ZNF519: variants seen among roughly 807,000 people sequenced by gnomAD.
The protein encoded by ZNF519 is similar to Zinc finger protein 85 (Zinc finger protein HPF4) (HTF1).
Under a neutral mutation model 7.4 loss-of-function variants are expected in ZNF519, and 7 were observed. The ratio of observed to expected loss-of-function variants is 0.94; its 90% confidence interval spans 0.54 to 1.77. ZNF519 has a LOEUF of 1.77. Ranked by LOEUF, ZNF519 falls within the 40% of genes most tolerant of loss-of-function variation. The pLI, the probability that ZNF519 is intolerant of heterozygous loss-of-function variation, is 0.00. For synonymous variants in ZNF519, 179 were observed against 203.3 expected, an observed-to-expected ratio of 0.88 and a Z score of 1.02; for missense variants, 586 against 623.1, an observed-to-expected ratio of 0.94 and a Z score of 0.63.
At chr18:14,117,736 GTCA>G (rs1257804571) in intron 2 of ZNF519, among the ~76,000 whole-genome samples, 1 of 152,172 alleles carries the variant, frequency 6.6e-6, no homozygotes, top group Non-Finnish European at 1.5e-5. Flanking sequence ...GAGGGAGTGA[GTCA>G]TCTCACATGG....
chr18:14,093,503 A>G (rs1040856953), intron 2 of ZNF519, among the ~76,000 whole-genome samples: 1 of 152,228 alleles, frequency 6.6e-6, no homozygotes, highest in African/African-American at 2.4e-5. Context: ...AACAATACAT[A>G]TATACACACA....
intron 2 of ZNF519, among the ~76,000 whole-genome samples, chr18:14,089,101 C>T (rs1180382564): frequency 6.6e-6 from 1 of 152,000 alleles, no homozygotes; most frequent in African/African-American, 2.4e-5. Flanking sequence ...CTTATTCCAT[C>T]TGTGATGAAT....
At chr18:14,124,803 T>TGCA (rs2046289305) in intron 1 of ZNF519, among the ~76,000 whole-genome samples, 1 of 152,102 alleles carries the variant, frequency 6.6e-6, no homozygotes, top group Admixed American at 6.5e-5. Context: ...CTGGCCTCAC[T>TGCA]GCAGAATCAT....
At position 14,102,886 on chromosome 18, in the gene ZNF519, G is replaced by GTA. The variant is rs1440910016; in HGVS notation, c.*2029_*2030dup. 4.0e-5 allele frequency: 6 copies of GTA among 151,816 alleles called. No homozygotes were observed. Among genetic ancestry groups the GTA allele is most frequent in the African/African-American group, 1.5e-4 (6 of 41,332 alleles). 9.4% of individuals were successfully genotyped at this position (151,816 alleles called of 1,614,324 possible). On this transcript the variant is annotated 3_prime_UTR_variant, in exon 3 of 3. Coordinates refer to ENST00000590202, the MANE Select transcript of ZNF519 (RefSeq NM_145287.4). ...TAAATATAAAGCAGATTCTGATAAG[G>GTA]TATATAAGGGCTAGAGAAAACAAGG...
chr18:14,132,390 A>T lies in ZNF519; in HGVS notation c.-113T>A, dbSNP rs1404631875. On this transcript the variant is annotated 5_prime_UTR_variant, in exon 1 of 3. Transcript: ENST00000590202. ...ACCGAAGTCTCCCGGAGCAGAGGAC[A>T]CAAGGCAATGAAGCCCTAACCCCGC... 1 of 1,377,620 alleles carries T rather than the reference A, an allele frequency of 7.3e-7. No homozygotes were observed. The highest frequency in any genetic ancestry group is 1.8e-5 in the Admixed American group (1 of 56,424). The allele number at this position is 1,377,620 out of a possible 1,614,324, so 85.3% of individuals were successfully genotyped here.
downstream of ZNF519, among the ~76,000 whole-genome samples, chr18:14,097,842 T>C (rs1054122772): frequency 1.3e-5 from 2 of 152,202 alleles, no homozygotes; most frequent in African/African-American, 4.8e-5. Context: ...TGTGTATATG[T>C]ATGTTTATAT....
At chr18:14,108,530 A>G (rs1167783132) in intron 2 of ZNF519, among the ~76,000 whole-genome samples, 2 of 152,094 alleles carry the variant, frequency 1.3e-5, no homozygotes, top group African/African-American at 2.4e-5. Flanking sequence ...AAATGGAAGG[A>G]GTAAATCTTT....
chr18:14,094,078 C>T (rs1041408410), intron 2 of ZNF519, among the ~76,000 whole-genome samples: 13 of 152,182 alleles, frequency 8.5e-5, no homozygotes, highest in African/African-American at 3.1e-4. Flanking sequence ...TGTTTCTTCT[C>T]CATCTTTCAT....
chr18:14,115,445 A>C (rs572942345), intron 2 of ZNF519, among the ~76,000 whole-genome samples: 54 of 152,360 alleles, frequency 3.5e-4, no homozygotes, highest in African/African-American at 1.2e-3. Flanking sequence ...AGTGTTCAAC[A>C]ATTGTCAAAA....
At chr18:14,071,218 A>C (rs922420911), downstream of ZNF519, 2 of 152,078 alleles carry the variant, frequency 1.3e-5, no homozygotes, top group African/African-American at 4.8e-5. Context: ...CAAATTCCTG[A>C]CTCTTTTAAT....
rs8091208 is a variant in ZNF519 at position 14,111,957 on chromosome 18, C to T, written c.131-5548G>A. Among the ~76,000 whole-genome samples, 325 of 152,126 alleles carry T rather than the reference C, an allele frequency of 2.1e-3. 4 individuals carry two copies. The highest frequency in any genetic ancestry group is 7.3e-3 in the African/African-American group (304 of 41,496). On this transcript the variant is annotated intron_variant, in intron 2 of 2. Transcript: ENST00000590202. ...TACTCTCATACTAAAACCAGACAAA[C>T]GCCTATCAAAAAAATCTATAGGCCA...
At chr18:14,117,209 C>T (rs898617120) in intron 2 of ZNF519, among the ~76,000 whole-genome samples, 5 of 152,000 alleles carry the variant, frequency 3.3e-5, no homozygotes, top group African/African-American at 1.2e-4. Context: ...GAAGTTAACA[C>T]CCAGAATATA....
chr18:14,102,290 C>T lies in ZNF519; in HGVS notation c.*2627G>A, dbSNP rs1441818355. 6.6e-6 allele frequency: 1 copy of T among 152,168 alleles called. No individual in the cohort carries two copies. Among genetic ancestry groups the T allele is most frequent in the African/African-American group, 2.4e-5 (1 of 41,408 alleles). 9.4% of individuals were successfully genotyped at this position (152,168 alleles called of 1,614,324 possible). On this transcript the variant is annotated 3_prime_UTR_variant, in exon 3 of 3. Coordinates refer to ENST00000590202, the MANE Select transcript of ZNF519 (RefSeq NM_145287.4). ...TTAAGTGATTTTCCTGTCTCAGCCT[C>T]CCAAGTAGCTGGGATTACAGGAGCC...
At chr18:14,083,575 T>C (rs547863755) in intron 3 of ZNF519, among the ~76,000 whole-genome samples, 2 of 152,260 alleles carry the variant, frequency 1.3e-5, no homozygotes, top group African/African-American at 4.8e-5. Context: ...TATTTCTCGA[T>C]GATATCAATT....
intron 2 of ZNF519, chr18:14,090,777 G>C (rs1419933056): frequency 6.6e-6 from 1 of 152,238 alleles, no homozygotes; most frequent in African/African-American, 2.4e-5. Context: ...CCGGAACACA[G>C]CAAGAAATGT....
chr18:14,108,214 A>T (rs1352851289), intron 2 of ZNF519, among the ~76,000 whole-genome samples: 1 of 152,138 alleles, frequency 6.6e-6, no homozygotes, highest in East Asian at 1.9e-4. Context: ...GCAGGCAGGG[A>T]TGGGTCCTTG....
At chr18:14,129,430 G>C (rs2046318708) in intron 1 of ZNF519, among the ~76,000 whole-genome samples, 1 of 151,994 alleles carries the variant, frequency 6.6e-6, no homozygotes, top group Non-Finnish European at 1.5e-5. Flanking sequence ...GTCAGGGGAG[G>C]GAATAGGTTC....
chr18:14,077,278 T>C (rs2046051176), exon 5 of ZNF519: 1 of 152,292 alleles, frequency 6.6e-6, no homozygotes, highest in African/African-American at 2.4e-5. Context: ...GCTTTAGCAC[T>C]GGCTCAGTTT....
chr18:14,115,931 C>T (rs569270798), intron 2 of ZNF519, among the ~76,000 whole-genome samples: 1 of 152,202 alleles, frequency 6.6e-6, no homozygotes, highest in East Asian at 1.9e-4. Context: ...TCATGGACAA[C>T]CTGTTAGGAC....
Sources: gnomAD v4.1 joint callset for allele counts (sites outside exome capture counted in the v4.1 genomes callset) on GRCh38, gnomAD v4.1.1 for gene constraint, MANE v1.5 for transcripts, NCBI Gene and HGNC (gene_info 2026-07-23, HGNC 2026-07-21) for gene names.